The following SLC35F4 variants were observed in gnomAD, a reference collection of about 807,000 sequenced individuals.
The protein encoded by SLC35F4 is chromosome 14 open reading frame 36.
A neutral mutation model predicts 44.2 loss-of-function variants in SLC35F4; 24 were observed. That is an observed-to-expected ratio of 0.54 (90% CI 0.39 to 0.76). SLC35F4 has a LOEUF of 0.76. Ranked by LOEUF, SLC35F4 falls within the 30% of genes least tolerant of loss-of-function variation. SLC35F4 has a pLI of 0.00. For missense variants in SLC35F4, 562 were observed against 586.1 expected (o/e 0.96, Z 0.42); for synonymous variants, 238 against 223.6 (o/e 1.06, Z -0.57).
At chr14:57,867,906 T>TAC (rs1036261304), upstream of SLC35F4, among the ~76,000 whole-genome samples, 1 of 152,082 alleles carries the variant, frequency 6.6e-6, no homozygotes, top group African/African-American at 2.4e-5. Flanking sequence ...TACACATACA[T>TAC]ACACACACAC....
chr14:57,695,662 C>T (rs2075362569), intron 1 of SLC35F4, among the ~76,000 whole-genome samples: 1 of 152,090 alleles, frequency 6.6e-6, no homozygotes, highest in South Asian at 2.1e-4. Context: ...CCAGCCATCC[C>T]ATTACTGGGT....
chr14:57,618,972 G>A (rs933917502), intron 1 of SLC35F4, among the ~76,000 whole-genome samples: 1 of 152,174 alleles, frequency 6.6e-6, no homozygotes, highest in Admixed American at 6.5e-5. Flanking sequence ...AGGCTGCTGG[G>A]GCCACACTGC....
chr14:57,663,891 T>G (rs1402270999), intron 1 of SLC35F4, among the ~76,000 whole-genome samples: 1 of 152,186 alleles, frequency 6.6e-6, no homozygotes, highest in Non-Finnish European at 1.5e-5. Flanking sequence ...CTACACAATC[T>G]GCAGGCATGT....
intron 1 of SLC35F4, among the ~76,000 whole-genome samples, chr14:57,603,595 C>CCCTA (rs1234911879): frequency 6.6e-6 from 1 of 152,188 alleles, no homozygotes; most frequent in Non-Finnish European, 1.5e-5. Context: ...ATGGTTAAAG[C>CCCTA]CCTACAGTAC....
At chr14:57,712,238 A>G (rs1265455380) in intron 1 of SLC35F4, among the ~76,000 whole-genome samples, 2 of 152,128 alleles carry the variant, frequency 1.3e-5, no homozygotes, top group African/African-American at 2.4e-5. Flanking sequence ...CTGAATCCCT[A>G]TTTATCTTGA....
intron 1 of SLC35F4, among the ~76,000 whole-genome samples, chr14:57,886,031 A>C (rs1888636829): frequency 6.6e-6 from 1 of 152,238 alleles, no homozygotes; most frequent in South Asian, 2.1e-4. Context: ...TGACTATAAT[A>C]GGAAATTTAT....
intron 1 of SLC35F4, among the ~76,000 whole-genome samples, chr14:57,642,501 T>C (rs1353630258): frequency 2.6e-5 from 4 of 151,958 alleles, no homozygotes; most frequent in Non-Finnish European, 5.9e-5. Flanking sequence ...TGATGTTAAA[T>C]CAGAAGTTTA....
chr14:57,572,368 C>T (rs1322584628), intron 4 of SLC35F4, among the ~76,000 whole-genome samples: 2 of 152,038 alleles, frequency 1.3e-5, no homozygotes, highest in Non-Finnish European at 2.9e-5. Context: ...CACTTCTAAG[C>T]GTTTTCATCT....
In SLC35F4 at chr14:57,678,081, C is replaced by G. The variant is rs527919448; in HGVS notation, c.104-83957G>C. Among the ~76,000 whole-genome samples the G allele has an allele frequency of 1.5e-3, 233 of 152,068 alleles. 1 individual carries two copies. Among genetic ancestry groups the G allele is most frequent in the Non-Finnish European group, 2.5e-3 (170 of 68,012 alleles). On this transcript the variant is annotated intron_variant, in intron 1 of 7. Coordinates refer to ENST00000556826, the MANE Select transcript of SLC35F4 (RefSeq NM_001306087.2). Reference sequence around the variant, plus strand: ...CAAGACAAATAATCATCAGATTCGCCAAGGTTGAAATGAAGGAAAAAATGT... The same window carrying G: ...CAAGACAAATAATCATCAGATTCGCGAAGGTTGAAATGAAGGAAAAAATGT...
intron 1 of SLC35F4, among the ~76,000 whole-genome samples, chr14:57,949,645 G>A (rs1331178657): frequency 6.6e-6 from 1 of 152,056 alleles, no homozygotes; most frequent in East Asian, 1.9e-4. Context: ...CTTTAAGAAG[G>A]TTCTATTTTG....
At chr14:57,769,908 GAA>G (rs1222928769) in intron 1 of SLC35F4, among the ~76,000 whole-genome samples, 1 of 151,906 alleles carries the variant, frequency 6.6e-6, no homozygotes, top group Admixed American at 6.5e-5. Flanking sequence ...AGCATTTTTT[GAA>G]AAAGAGTGGT....
At chr14:57,687,933 C>A (rs772032878) in intron 1 of SLC35F4, among the ~76,000 whole-genome samples, 1 of 152,286 alleles carries the variant, frequency 6.6e-6, no homozygotes, top group Non-Finnish European at 1.5e-5. Flanking sequence ...AATTGTGGTA[C>A]TGGAAGATGA....
At chr14:57,592,235 G>A (rs760405198) in intron 2 of SLC35F4, among the ~76,000 whole-genome samples, 8 of 152,208 alleles carry the variant, frequency 5.3e-5, no homozygotes, top group East Asian at 3.8e-4. Flanking sequence ...TCCTAGCCCT[G>A]CCATTGTATG....
intron 1 of SLC35F4, among the ~76,000 whole-genome samples, chr14:57,772,420 A>G (rs145416393): frequency 6.6e-6 from 1 of 152,128 alleles, no homozygotes; most frequent in African/African-American, 2.4e-5. Context: ...CTTGTTTGTT[A>G]TATGGGTATA....
At chr14:57,670,582 G>A (rs939386479) in intron 1 of SLC35F4, among the ~76,000 whole-genome samples, 4 of 151,784 alleles carry the variant, frequency 2.6e-5, no homozygotes, top group Non-Finnish European at 4.4e-5. Context: ...CCTTCATTTC[G>A]TTATGTACCC....
At chr14:57,931,632 C>A (rs1364277586) in intron 1 of SLC35F4, among the ~76,000 whole-genome samples, 1 of 152,210 alleles carries the variant, frequency 6.6e-6, no homozygotes, top group Non-Finnish European at 1.5e-5. Flanking sequence ...ATTGATAACT[C>A]CCATCCTCCC....
intron 1 of SLC35F4, among the ~76,000 whole-genome samples, chr14:57,898,432 G>T (rs1888930696): frequency 6.6e-6 from 1 of 152,188 alleles, no homozygotes; most frequent in African/African-American, 2.4e-5. Flanking sequence ...TATTACCTTG[G>T]AAATAGAAAG....
At chr14:57,869,027 T>C (rs1459126440), upstream of SLC35F4, among the ~76,000 whole-genome samples, 1 of 152,150 alleles carries the variant, frequency 6.6e-6, no homozygotes, top group Non-Finnish European at 1.5e-5. Flanking sequence ...TAAAACAAAA[T>C]TTGTTTTTTG....
At chr14:57,789,956 T>C (rs549154964) in intron 1 of SLC35F4, among the ~76,000 whole-genome samples, 1 of 152,262 alleles carries the variant, frequency 6.6e-6, no homozygotes, top group African/African-American at 2.4e-5. Context: ...TGCTTCATGC[T>C]AAAACACTCA....
Sources: allele counts gnomAD v4.1 joint callset (sites outside exome capture counted in the v4.1 genomes callset), GRCh38; gene constraint gnomAD v4.1.1; transcripts MANE v1.5; gene names NCBI Gene and HGNC (gene_info 2026-07-23, HGNC 2026-07-21).